The following NWD2 variants were observed in gnomAD, a reference collection of about 807,000 sequenced individuals.
The protein encoded by NWD2 is NACHT and WD repeat domain-containing protein 2.
A neutral mutation model predicts 132.7 loss-of-function variants in NWD2; 37 were observed. The observed-to-expected ratio is 0.28, with a 90% confidence interval of 0.21 to 0.37. The LOEUF is 0.37. Among genes scored for constraint, NWD2 ranks in the 10% least tolerant of loss-of-function variants. The pLI is 1.00. For missense variants in NWD2, 1,592 were observed against 2,122.4 expected (o/e 0.75, Z 4.91); for synonymous variants, 705 against 803.0 (o/e 0.88, Z 2.06).
At chr4:37,424,974 G>GA (rs1176902531) in intron 3 of NWD2, among the ~76,000 whole-genome samples, 1 of 151,636 alleles carries the variant, frequency 6.6e-6, no homozygotes, top group Non-Finnish European at 1.5e-5. Context: ...CAATGGAAAA[G>GA]AAAAAAAATC....
intron 1 of NWD2, among the ~76,000 whole-genome samples, chr4:37,315,013 A>G (rs895046362): frequency 6.6e-6 from 1 of 152,160 alleles, no homozygotes; most frequent in African/African-American, 2.4e-5. Flanking sequence ...ATGCATGAGT[A>G]ATAATGTCAA....
intron 1 of NWD2, among the ~76,000 whole-genome samples, chr4:37,318,007 T>A (rs541525795): frequency 6.7e-6 from 1 of 148,576 alleles, no homozygotes; most frequent in Non-Finnish European, 1.5e-5. Context: ...AATTTCTTTT[T>A]TCTTTTTTCT....
chr4:37,252,123 C>T (rs1717388881), intron 1 of NWD2, among the ~76,000 whole-genome samples: 1 of 152,280 alleles, frequency 6.6e-6, no homozygotes, highest in Admixed American at 6.5e-5. Flanking sequence ...GGAAACTATT[C>T]TGCATGATAA....
intron 2 of NWD2, among the ~76,000 whole-genome samples, chr4:37,326,401 TC>T (rs1178789851): frequency 1.3e-5 from 2 of 152,168 alleles, no homozygotes; most frequent in African/African-American, 2.4e-5. Flanking sequence ...CAAACTTATT[TC>T]CTTTCATCAG....
At chr4:37,336,071 A>G (rs1422399199) in intron 2 of NWD2, among the ~76,000 whole-genome samples, 1 of 151,994 alleles carries the variant, frequency 6.6e-6, no homozygotes, top group African/African-American at 2.4e-5. Flanking sequence ...GTTTGCCAAA[A>G]ATGTTTTTAT....
chr4:37,313,974 GCGT>G lies in NWD2; in HGVS notation c.152-11961_152-11959del, dbSNP rs1296580956. Among the ~76,000 whole-genome samples the G allele has an allele frequency of 6.8e-5, 10 of 146,214 alleles. 1 individual carries two copies. The highest frequency in any genetic ancestry group is 2.8e-4 in the African/African-American group (10 of 35,740). On this transcript the variant is annotated intron_variant, in intron 1 of 6. Coordinates refer to ENST00000309447, the MANE Select transcript of NWD2 (RefSeq NM_001144990.2). ...GCCTCCCAAAGTACTGAGATTACAG[GCGT>G]GAGCCACTGCGCCTGGCCATTGCTG...
chr4:37,362,113 G>A (rs1719992112), intron 3 of NWD2, among the ~76,000 whole-genome samples: 1 of 152,092 alleles, frequency 6.6e-6, no homozygotes, highest in African/African-American at 2.4e-5. Flanking sequence ...TCTAACCAAG[G>A]AAGTGAAAGA....
intron 2 of NWD2, among the ~76,000 whole-genome samples, chr4:37,348,135 C>T (rs761121971): frequency 2.0e-5 from 3 of 152,068 alleles, no homozygotes; most frequent in Admixed American, 6.6e-5. Flanking sequence ...ATAAGGATCT[C>T]GAACTAAGAA....
chr4:37,420,654 A>C (rs1020497727), intron 3 of NWD2, among the ~76,000 whole-genome samples: 2 of 152,198 alleles, frequency 1.3e-5, no homozygotes, highest in African/African-American at 2.4e-5. Context: ...CTGCCAGTCC[A>C]GTCTGGCGAT....
chr4:37,371,568 G>A (rs1399552973), intron 3 of NWD2, among the ~76,000 whole-genome samples: 1 of 152,190 alleles, frequency 6.6e-6, no homozygotes, highest in Non-Finnish European at 1.5e-5. Flanking sequence ...ATATGTTGAA[G>A]TTTCTTAGGA....
At chr4:37,285,474 A>T (rs1447046444) in intron 1 of NWD2, among the ~76,000 whole-genome samples, 1 of 152,074 alleles carries the variant, frequency 6.6e-6, no homozygotes, top group African/African-American at 2.4e-5. Flanking sequence ...AGTAATATAG[A>T]AAAAGACAAT....
At chr4:37,264,433 C>G (rs1717708621) in intron 1 of NWD2, among the ~76,000 whole-genome samples, 1 of 152,006 alleles carries the variant, frequency 6.6e-6, no homozygotes, top group South Asian at 2.1e-4. Context: ...TGACCTTTTT[C>G]CTAAATAGGT....
intron 2 of NWD2, among the ~76,000 whole-genome samples, chr4:37,344,369 A>G (rs1221401125): frequency 6.6e-5 from 10 of 151,994 alleles, no homozygotes; most frequent in Admixed American, 6.6e-4. Flanking sequence ...TTTTTCCCAT[A>G]AAGACATATG....
chr4:37,434,924 C>T (rs1003588164), intron 5 of NWD2, among the ~76,000 whole-genome samples: 1 of 151,860 alleles, frequency 6.6e-6, no homozygotes, highest in African/African-American at 2.4e-5. Flanking sequence ...TTGGTAGGAT[C>T]TAATTTAGCA....
rs1392316023 is a variant in NWD2, at chr4:37,444,279, TG to T, written c.2296del (p.Val766PhefsTer17). 2 of 1,551,568 alleles carry T rather than the reference TG, an allele frequency of 1.3e-6. No individual in the cohort carries two copies. Among genetic ancestry groups the T allele is most frequent in the Non-Finnish European group, 8.7e-7 (1 of 1,146,988 alleles). ...CACACCATCTTAGCAGATTATTTTC[TG>T]GGGGTTTGGTCAGGGGGCAGGAGGA... ...EMHTILADYF[L>X]GVWSGGRRKA... On this transcript the variant is annotated frameshift_variant, in exon 7 of 7. Coordinates refer to ENST00000309447, the MANE Select transcript of NWD2 (RefSeq NM_001144990.2). LOFTEE classifies it high-confidence loss of function. This position sits in a 1 kb window ranked among gnomAD's most constrained non-coding sequence, Gnocchi z 4.8.
At position 37,302,922 on chromosome 4, in the gene NWD2, GATTT is replaced by G. The variant is rs1577661041; in HGVS notation, c.152-23010_152-23007del. 3.9e-5 allele frequency among the ~76,000 whole-genome samples: 6 copies of G among 152,212 alleles called. No individual in the cohort carries two copies. The East Asian group carries it at 1.2e-3, about 29-fold the overall frequency. ...CTTCAGGTAGTCTCTTTACTCTGTT[GATTT>G]ATTCTTGTGCTGTGAAGACACTTTA... On this transcript the variant is annotated intron_variant, in intron 1 of 6. Coordinates refer to ENST00000309447, the MANE Select transcript of NWD2 (RefSeq NM_001144990.2).
intron 3 of NWD2, among the ~76,000 whole-genome samples, chr4:37,358,763 C>T (rs905786529): frequency 3.3e-5 from 5 of 152,038 alleles, no homozygotes; most frequent in African/African-American, 7.2e-5. Flanking sequence ...AAAAAGTGTT[C>T]GTTGTTTCTT....
intron 2 of NWD2, among the ~76,000 whole-genome samples, chr4:37,336,556 C>A (rs1719409366): frequency 6.6e-6 from 1 of 152,014 alleles, no homozygotes; most frequent in Admixed American, 6.6e-5. Context: ...GCCATGGGGG[C>A]CTTAACTAGA....
chr4:37,303,748 A>G (rs1718653157), intron 1 of NWD2, among the ~76,000 whole-genome samples: 1 of 152,192 alleles, frequency 6.6e-6, no homozygotes, highest in African/African-American at 2.4e-5. Context: ...TTTGGTGTAT[A>G]GAAACACTAC....
Sources: allele counts gnomAD v4.1 joint callset (sites outside exome capture counted in the v4.1 genomes callset), GRCh38; gene constraint gnomAD v4.1.1; non-coding constraint Gnocchi (gnomAD v3.1); transcripts MANE v1.5; gene names NCBI Gene and HGNC (gene_info 2026-07-23, HGNC 2026-07-21).